The following DNM3 variants were observed in gnomAD, a reference collection of about 807,000 sequenced individuals.
DNM3 encodes dynamin 3.
A neutral mutation model predicts 101.6 loss-of-function variants in DNM3; 47 were observed. That is an observed-to-expected ratio of 0.46 (90% CI 0.37 to 0.59). DNM3 has a LOEUF of 0.59. Ranked by LOEUF, DNM3 falls within the 20% of genes least tolerant of loss-of-function variation. The pLI is 0.00. For missense variants in DNM3, 849 were observed against 1,085.7 expected, an observed-to-expected ratio of 0.78 and a Z score of 3.06; for synonymous variants, 385 against 387.9, an observed-to-expected ratio of 0.99 and a Z score of 0.09.
At chr1:172,265,515 G>C (rs2062826692) in intron 15 of DNM3, among the ~76,000 whole-genome samples, 1 of 152,124 alleles carries the variant, frequency 6.6e-6, no homozygotes. Context: ...TATCTGGGGA[G>C]ACTAACATTG....
intron 16 of DNM3, among the ~76,000 whole-genome samples, chr1:172,314,216 A>G (rs1035436708): frequency 1.3e-5 from 2 of 152,214 alleles, no homozygotes; most frequent in South Asian, 2.1e-4. Flanking sequence ...ATGCCCATCA[A>G]CGATAGACTG....
intron 14 of DNM3, among the ~76,000 whole-genome samples, chr1:172,221,982 A>T (rs527597581): frequency 6.6e-6 from 1 of 152,278 alleles, no homozygotes; most frequent in South Asian, 2.1e-4. Flanking sequence ...TCAAGTCTTA[A>T]TCATCAAGTA....
At chr1:172,016,579 A>G (rs2047469387) in intron 4 of DNM3, among the ~76,000 whole-genome samples, 2 of 152,144 alleles carry the variant, frequency 1.3e-5, no homozygotes, top group African/African-American at 4.8e-5. Context: ...GAATGTCTTT[A>G]TATGGTTTTG....
chr1:171,906,127 A>ATTT (rs767499060), intron 1 of DNM3, among the ~76,000 whole-genome samples: 266 of 131,410 alleles, frequency 2.0e-3, no homozygotes, highest in African/African-American at 6.9e-3. Context: ...GTTCAATTGC[A>ATTT]TTTTTTTTTT....
intron 4 of DNM3, among the ~76,000 whole-genome samples, chr1:172,009,056 ATATAT>A (rs1194446246): frequency 1.5e-4 from 20 of 137,918 alleles, no homozygotes; most frequent in East Asian, 8.0e-4. Context: ...ATATTATATA[ATATAT>A]TATATGTATT....
intron 17 of DNM3, among the ~76,000 whole-genome samples, chr1:172,334,179 C>G (rs2066316736): frequency 6.6e-6 from 1 of 152,150 alleles, no homozygotes; most frequent in Non-Finnish European, 1.5e-5. Context: ...ACAAACCCAT[C>G]ATAAATAGGA....
intron 9 of DNM3, among the ~76,000 whole-genome samples, chr1:172,045,697 T>C (rs1008377779): frequency 1.3e-5 from 2 of 152,176 alleles, no homozygotes; most frequent in African/African-American, 4.8e-5. Context: ...AATGAACATA[T>C]GTTGAATTGC....
chr1:172,099,169 G>GC (rs1197780959), intron 13 of DNM3, among the ~76,000 whole-genome samples: 1 of 152,194 alleles, frequency 6.6e-6, no homozygotes, highest in African/African-American at 2.4e-5. Context: ...CACATGAGTA[G>GC]CTTTAATTGA....
At chr1:172,339,192 T>A in intron 17 of DNM3, 1 of 317,172 alleles carries the variant, frequency 3.2e-6, no homozygotes, top group South Asian at 2.8e-5. Flanking sequence ...AGTCTACCTC[T>A]AACTAAATTT....
At chr1:171,929,436 C>T (rs954842560) in intron 2 of DNM3, among the ~76,000 whole-genome samples, 1 of 151,996 alleles carries the variant, frequency 6.6e-6, no homozygotes, top group African/African-American at 2.4e-5. Flanking sequence ...TTGGACTTTC[C>T]AAAGTTTGAA....
intron 16 of DNM3, among the ~76,000 whole-genome samples, chr1:172,317,277 G>A (rs1311295728): frequency 1.3e-5 from 2 of 151,526 alleles, no homozygotes; most frequent in Non-Finnish European, 2.9e-5. Context: ...ATGCCCATAA[G>A]AGAAAGCAGG....
At chr1:172,055,881 G>A (rs1410837907) in intron 10 of DNM3, among the ~76,000 whole-genome samples, 1 of 152,204 alleles carries the variant, frequency 6.6e-6, no homozygotes, top group Admixed American at 6.5e-5. Flanking sequence ...ACAGCTCCCA[G>A]CATGAGCGAC....
At chr1:172,139,406 T>C (rs2057441822) in intron 14 of DNM3, 1 of 155,152 alleles carries the variant, frequency 6.4e-6, no homozygotes, top group African/African-American at 2.4e-5. Flanking sequence ...AAATAATTAA[T>C]GAGCCTAATT....
intron 1 of DNM3, among the ~76,000 whole-genome samples, chr1:171,913,645 AG>A (rs1277771734): frequency 6.6e-6 from 1 of 152,162 alleles, no homozygotes; most frequent in Admixed American, 6.6e-5. Context: ...TTCTTGGAGC[AG>A]GGGGTGGGCA....
intron 17 of DNM3, among the ~76,000 whole-genome samples, chr1:172,343,376 G>A (rs898587030): frequency 6.6e-6 from 1 of 151,794 alleles, no homozygotes. Flanking sequence ...GATTATGTCA[G>A]TGAAATCCAC....
intron 14 of DNM3, among the ~76,000 whole-genome samples, chr1:172,235,238 G>A (rs1235283726): frequency 5.3e-5 from 8 of 152,116 alleles, no homozygotes; most frequent in East Asian, 3.8e-4. Context: ...CGAAAGACAC[G>A]TGAAAAAATG....
intron 14 of DNM3, among the ~76,000 whole-genome samples, chr1:172,216,563 AG>A (rs758521017): frequency 2.0e-5 from 3 of 152,162 alleles, no homozygotes; most frequent in Non-Finnish European, 2.9e-5. Context: ...TAAATTCAAA[AG>A]GTTACTTGGA....
intron 1 of DNM3, among the ~76,000 whole-genome samples, chr1:171,905,255 G>A (rs571230264): frequency 2.7e-4 from 41 of 152,124 alleles, no homozygotes; most frequent in South Asian, 1.5e-3. Flanking sequence ...CTGAAATGTC[G>A]TCATCCTCAT....
chr1:172,077,997 A>G (rs2052806311), intron 11 of DNM3, among the ~76,000 whole-genome samples: 4 of 152,122 alleles, frequency 2.6e-5, no homozygotes, highest in Non-Finnish European at 5.9e-5. Context: ...TATTGGGTGC[A>G]TATATATTTA....
Sources: allele counts gnomAD v4.1 joint callset (sites outside exome capture counted in the v4.1 genomes callset), GRCh38; gene constraint gnomAD v4.1.1; transcripts MANE v1.5; gene names NCBI Gene and HGNC (gene_info 2026-07-23, HGNC 2026-07-21).